Variants in SIRT3 observed in about 807,000 individuals in gnomAD.
SIRT3 encodes NAD-dependent protein deacetylase sirtuin-3, mitochondrial.
In SIRT3, 26 loss-of-function variants were observed where a neutral mutation model predicts 33.5. The ratio of observed to expected loss-of-function variants is 0.78; its 90% CI spans 0.57 to 1.08. SIRT3 has a LOEUF of 1.08. SIRT3 is among the 50% of genes least tolerant of loss of function. SIRT3 has a pLI of 0.00. For missense variants in SIRT3, 585 were observed against 530.1 expected (o/e 1.10, Z -1.02); for synonymous variants, 237 against 222.1 (o/e 1.07, Z -0.60).
chr11:234,339 T>C (rs1186594014), intron 1 of SIRT3, among the ~76,000 whole-genome samples: 1 of 152,240 alleles, frequency 6.6e-6, no homozygotes, highest in Non-Finnish European at 1.5e-5. Flanking sequence ...AGGAAGCCCA[T>C]GCAATGGACT....
Position 223,998 on chromosome 11 carries a change from C to T in SIRT3, c.969+80G>A, listed in dbSNP as rs12790038. On this transcript the variant is annotated intron_variant, in intron 5 of 6. Coordinates refer to ENST00000382743, the MANE Select transcript of SIRT3 (RefSeq NM_012239.6). The surrounding 1 kb of genome is among the most constrained non-coding windows in gnomAD (Gnocchi z 4.8). ...CAGACTCCTCCCTGCACAGGCCTGC[C>T]GACAGCCCATGAGATGACTCCTGTA... The T allele has an allele frequency of 5.6e-5, 26 of 461,336 alleles. 4 individuals are homozygous for T. Among genetic ancestry groups the T allele is most frequent in the East Asian group, 3.1e-4 (10 of 31,984 alleles). The allele number at this position is 461,336 out of a possible 1,614,324, so 28.6% of individuals were successfully genotyped here. A position where few individuals can be genotyped will look rare whatever the true frequency, so the allele number is the denominator to read the frequency against.
Position 218,909 on chromosome 11 carries a change from G to C in SIRT3, c.1102C>G (p.His368Asp). The C allele has an allele frequency of 6.2e-7, 1 of 1,614,144 alleles. No individual in the cohort carries two copies. The highest frequency in any genetic ancestry group is 1.1e-5 in the South Asian group (1 of 91,064). ...AGCTCCACTAGGCTTTCCACGCCGT[G>C]AACCACGTCCCCCAGCTGGGCCACG... is the stretch of plus-strand genomic sequence containing the variant. ...RDVAQLGDVV[H>D]GVESLVELLG... The change falls in exon 6 of 7, where the codon CAC becomes GAC. Residue 368 changes from histidine to aspartate, a missense_variant. His to Asp is a moderately conservative substitution (Grantham distance 81). Transcript: ENST00000382743.
At chr11:233,284 G>A (rs532915618) in intron 2 of SIRT3, 59 bp downstream of exon 2, 700 of 1,600,014 alleles carry the variant, frequency 4.4e-4, no homozygotes, top group Non-Finnish European at 5.4e-4. Flanking sequence ...ACTGGGCAGT[G>A]GGGAGGGCAG....
chr11:236,417 C>G (rs1319970139), upstream of SIRT3: 10 of 910,680 alleles, frequency 1.1e-5, no homozygotes, highest in Middle Eastern at 4.6e-4. Context: ...CCCCGGCGCC[C>G]CAGCCCCGCC....
Position 233,210 on chromosome 11 carries a change from G to C in SIRT3, c.479C>G (p.Pro160Arg), listed in dbSNP as rs200027212. 1.2e-5 allele frequency: 19 copies of C among 1,613,132 alleles called. No individual in the cohort carries two copies. Among genetic ancestry groups the C allele is most frequent in the Non-Finnish European group, 1.4e-5 (17 of 1,179,362 alleles). Residue 160 changes from proline to arginine, a missense_variant, in exon 3 of 7, where the codon CCG becomes CGG. By Grantham distance (103) the Pro-to-Arg change is moderately radical. Transcript: ENST00000382743. Reference sequence around the variant, plus strand: ...GAGGTTGCTGTACAGGCCACTCCCCGGCGATCTGCAGGGAGAGAAGAAAGG... The same window carrying C: ...GAGGTTGCTGTACAGGCCACTCCCCCGCGATCTGCAGGGAGAGAAGAAAGG... ...TPSGIPDFRS[P>R]GSGLYSNLQQ...
In SIRT3 at chr11:217,628, A is replaced by C. The variant is rs200349071; in HGVS notation, c.1180-910T>G. 2.0e-5 allele frequency among the ~76,000 whole-genome samples: 3 copies of C among 152,236 alleles called. No individual in the cohort carries two copies. In the East Asian group the frequency reaches 5.8e-4, roughly 29 times the overall value. ...AATGAAGTGACCATGATTGGTAAAA[A>C]ATCAGCCTGCAACCAGAGGTTGGAG... is the stretch of plus-strand genomic sequence containing the variant. On this transcript the variant is annotated intron_variant, in intron 6 of 6. Coordinates refer to ENST00000382743, the MANE Select transcript of SIRT3 (RefSeq NM_012239.6).
chr11:219,495 C>T (rs1246947472), intron 5 of SIRT3, among the ~76,000 whole-genome samples: 2 of 152,182 alleles, frequency 1.3e-5, no homozygotes, highest in African/African-American at 2.4e-5. Flanking sequence ...GAGCTGGTGC[C>T]CCCGAGCAGG....
At position 223,499 on chromosome 11, in the gene SIRT3, C is replaced by G. The variant is rs1278302153; in HGVS notation, c.969+579G>C. 8 of 330,216 alleles carry G rather than the reference C, an allele frequency of 2.4e-5. No individual in the cohort carries two copies. The highest frequency in any genetic ancestry group is 1.3e-4 in the African/African-American group (6 of 46,448). 20.5% of individuals were successfully genotyped at this position (330,216 alleles called of 1,614,324 possible). On this transcript the variant is annotated intron_variant, in intron 5 of 6. Transcript: ENST00000382743. This position sits in a 1 kb window ranked among gnomAD's most constrained non-coding sequence, Gnocchi z 4.8. ...CTCCACTCCCCAAAGGCCTCCCTGA[C>G]CCCAAGGGTGCAGCTACGTCCCCGG...
chr11:226,083 T>G (rs908800092), intron 4 of SIRT3: 4 of 152,104 alleles, frequency 2.6e-5, no homozygotes, highest in African/African-American at 9.7e-5. Flanking sequence ...ACATTTTACC[T>G]AAGATAGAAG....
chr11:222,088 C>T (rs1856516558), intron 5 of SIRT3, among the ~76,000 whole-genome samples: 1 of 152,172 alleles, frequency 6.6e-6, no homozygotes, highest in African/African-American at 2.4e-5. Flanking sequence ...CAAGTGTCCA[C>T]ACCTGGTGGC....
chr11:216,585 T>TTCACATA lies in SIRT3; in HGVS notation c.*106_*112dup. 8.4e-7 allele frequency: 1 copy of TTCACATA among 1,194,402 alleles called. No individual in the cohort carries two copies. The highest frequency in any genetic ancestry group is 1.2e-6 in the Non-Finnish European group (1 of 805,726). The allele number at this position is 1,194,402 out of a possible 1,614,324, so 74.0% of individuals were successfully genotyped here. On this transcript the variant is annotated 3_prime_UTR_variant, in exon 7 of 7. Transcript: ENST00000382743. ...GTGGCAGCCTCGGGTGTCCACTCAG[T>TTCACATA]TCACATATTCTGGTTTCACCTGCCC...
Position 236,255 on chromosome 11 carries a change from C to G in SIRT3, c.74G>C (p.Gly25Ala). The G allele has an allele frequency of 6.5e-7, 1 of 1,544,616 alleles. No individual in the cohort carries two copies. The highest frequency in any genetic ancestry group is 8.7e-7 in the Non-Finnish European group (1 of 1,149,808). Residue 25 changes from glycine (G) to alanine (A), a missense_variant, in exon 1 of 7, where the codon GGG (glycine) becomes GCG (alanine). Transcript: ENST00000382743. The stretch of plus-strand genomic sequence containing the variant: ...GGCCTGAAACGGCCCCACGCCTCCC[C>G]CGGCCTCGACCCGTTCAACTACCCG... ...WGRVVERVEA[G>A]GGVGPFQACG...
chr11:223,575 G>A lies in SIRT3; in HGVS notation c.969+503C>T. On this transcript the variant is annotated intron_variant, in intron 5 of 6. Coordinates refer to ENST00000382743, the MANE Select transcript of SIRT3 (RefSeq NM_012239.6). The surrounding 1 kb of genome is among the most constrained non-coding windows in gnomAD (Gnocchi z 4.8). ...CTCCCACTGCAGCATCAGTATTCCT[G>A]ATCTGACCTGGGAGGCCCTGCCCCT... 1 of 423,464 alleles carries A rather than the reference G, an allele frequency of 2.4e-6. No homozygotes were observed. Among genetic ancestry groups the A allele is most frequent in the Non-Finnish European group, 4.5e-6 (1 of 224,046 alleles). 26.2% of individuals were successfully genotyped at this position (423,464 alleles called of 1,614,324 possible). A position where few individuals can be genotyped will look rare whatever the true frequency, so the allele number is the denominator to read the frequency against.
At chr11:231,193 C>T (rs1480123701) in intron 3 of SIRT3, among the ~76,000 whole-genome samples, 1 of 151,862 alleles carries the variant, frequency 6.6e-6, no homozygotes, top group Non-Finnish European at 1.5e-5. Context: ...AATCCCAGTG[C>T]TTTGGAAGGC....
At chr11:230,334 A>G in intron 4 of SIRT3, 118 bp downstream of exon 4, 1 of 483,216 alleles carries the variant, frequency 2.1e-6, no homozygotes, top group Non-Finnish European at 3.5e-6. Context: ...TTACAAATAA[A>G]ATGTTTCACA....
chr11:236,637 T>C, upstream of SIRT3: 2 of 214,214 alleles, frequency 9.3e-6, no homozygotes, highest in South Asian at 1.0e-4. Flanking sequence ...CGGATGGCGG[T>C]GATAGTTAAT....
chr11:236,367 C>T (rs745384927), upstream of SIRT3: 134 of 1,198,928 alleles, frequency 1.1e-4, no homozygotes, highest in Non-Finnish European at 1.4e-4. Flanking sequence ...ACTCGCCCCG[C>T]CCCCGGCGCC....
At chr11:227,673 T>C (rs1244829362) in intron 4 of SIRT3, among the ~76,000 whole-genome samples, 1 of 152,048 alleles carries the variant, frequency 6.6e-6, no homozygotes, top group East Asian at 1.9e-4. Flanking sequence ...TCACCCAGGC[T>C]GGAGTGCAGT....
chr11:236,245 C>T lies in SIRT3; in HGVS notation c.84G>A (p.Val28=). 6.4e-7 allele frequency: 1 copy of T among 1,551,310 alleles called. No homozygotes were observed. Among genetic ancestry groups the T allele is most frequent in the East Asian group, 2.4e-5 (1 of 41,188 alleles). Residue 28 remains valine (V), a synonymous_variant, in exon 1 of 7, where the codon GTG becomes GTA. Transcript: ENST00000382743. ...GACAGCCGCAGGCCTGAAACGGCCCCACGCCTCCCCCGGCCTCGACCCGTT... is the reference window on the plus strand; with the variant it reads ...GACAGCCGCAGGCCTGAAACGGCCCTACGCCTCCCCCGGCCTCGACCCGTT... The part of the protein sequence containing the change: ...VVERVEAGGG[V]GPFQACGCRL...
Sources: gnomAD v4.1 joint callset for allele counts (sites outside exome capture counted in the v4.1 genomes callset) on GRCh38, gnomAD v4.1.1 for gene constraint, Gnocchi (gnomAD v3.1) non-coding constraint, MANE v1.5 for transcripts, NCBI Gene and HGNC (gene_info 2026-07-23, HGNC 2026-07-21) for gene names.